ZDHHC17: variants seen among roughly 807,000 people sequenced by gnomAD.
ZDHHC17 encodes the protein zDHHC palmitoyltransferase 17.
ZDHHC17 carries 40 observed loss-of-function variants against 90.3 expected under a neutral mutation model. That is an observed-to-expected ratio of 0.44 (90% CI 0.34 to 0.58). ZDHHC17 has a LOEUF of 0.58. ZDHHC17 is among the 20% of genes least tolerant of loss of function. The probability of loss-of-function intolerance (pLI) is 0.01; values close to 1 mark genes in which losing one functional copy is unlikely to be tolerated. For synonymous variants in ZDHHC17, 235 were observed against 252.4 expected (o/e 0.93, Z 0.65); for missense variants, 614 against 780.8 (o/e 0.79, Z 2.55).
rs1247472064 is a variant in ZDHHC17, at chr12:76,851,272, T to C, written c.*287T>C. The C allele has an allele frequency of 2.8e-6, 1 of 351,986 alleles. No homozygotes were observed. The highest frequency in any genetic ancestry group is 4.9e-5 in the Admixed American group (1 of 20,412). 21.8% of individuals were successfully genotyped at this position (351,986 alleles called of 1,614,324 possible). ...TTTTGGGTTTTGTTCTCACAGTATTTTTCACAAAAAAAGGGTAAACTTATT... is the reference window on the plus strand; with the variant it reads ...TTTTGGGTTTTGTTCTCACAGTATTCTTCACAAAAAAAGGGTAAACTTATT... On this transcript the variant is annotated 3_prime_UTR_variant, in exon 17 of 17. Coordinates refer to ENST00000426126, the MANE Select transcript of ZDHHC17 (RefSeq NM_015336.4).
chr12:76,839,177 C>T (rs1485732601), intron 10 of ZDHHC17, among the ~76,000 whole-genome samples: 1 of 152,216 alleles, frequency 6.6e-6, no homozygotes, highest in African/African-American at 2.4e-5. Context: ...CAGATGCAGT[C>T]AGATTGTAGG....
In ZDHHC17 at chr12:76,842,095, C is replaced by G. The variant is rs1953442101; in HGVS notation, c.1255C>G (p.Gln419Glu). The change falls in exon 11 of 17, where the codon CAA becomes GAA. Residue 419 changes from glutamine (Q) to glutamate (E), a missense_variant. Gln to Glu is a conservative substitution (Grantham distance 29). This residue lies in a region of ZDHHC17 where 117 missense variants were observed against 183.6 expected (regional missense o/e 0.64). Transcript: ENST00000426126. ...AGGGATTATTAAAGCAACAGAAGAGCAAAAGAAAAAGGTAGCAAAATACCA... is the reference window on the plus strand; with the variant it reads ...AGGGATTATTAAAGCAACAGAAGAGGAAAAGAAAAAGGTAGCAAAATACCA... ...DPGIIKATEE[Q>E]KKKTIVELAE... 1 of 1,571,120 alleles carries G rather than the reference C, an allele frequency of 6.4e-7. No individual in the cohort carries two copies. Among genetic ancestry groups the G allele is most frequent in the African/African-American group, 1.4e-5 (1 of 72,088 alleles).
intron 10 of ZDHHC17, 85 bp downstream of exon 10, chr12:76,828,575 AT>A: frequency 8.8e-7 from 1 of 1,140,868 alleles, no homozygotes; most frequent in Non-Finnish European, 1.3e-6. Context: ...ATTAGGACTG[AT>A]CTACTCATTC....
chr12:76,784,129 C>CCA (rs1209214989), intron 1 of ZDHHC17, among the ~76,000 whole-genome samples: 6 of 152,188 alleles, frequency 3.9e-5, no homozygotes, highest in Non-Finnish European at 8.8e-5. Context: ...AGCACATATA[C>CCA]CACCACACAA....
Position 76,809,871 on chromosome 12 carries a change from CAG to C in ZDHHC17, c.543+15_543+16del, listed in dbSNP as rs1184845914. 6 of 1,605,376 alleles carry C rather than the reference CAG, an allele frequency of 3.7e-6. No homozygotes were observed. The highest frequency in any genetic ancestry group is 5.1e-6 in the Non-Finnish European group (6 of 1,175,378). Reference sequence around the variant, plus strand: ...GCAAAAGGACAGGTAAAAAAAATCTCAGTGGTATGGATTTTAATCAGATGTTC... The same window carrying C: ...GCAAAAGGACAGGTAAAAAAAATCTCTGGTATGGATTTTAATCAGATGTTC... On this transcript the variant is annotated intron_variant, in intron 5 of 16. Transcript: ENST00000426126.
chr12:76,783,908 T>G lies in ZDHHC17; in HGVS notation c.94-13526T>G, dbSNP rs189748965. On this transcript the variant is annotated intron_variant, in intron 1 of 16. Coordinates refer to ENST00000426126, the MANE Select transcript of ZDHHC17 (RefSeq NM_015336.4). The stretch of plus-strand genomic sequence containing the variant: ...GAGAGAGATTTGAAAATGTTTGCCT[T>G]GATTATGCCAGAGGGCTAGAAGAGG... Among the ~76,000 whole-genome samples, 99 of 151,936 alleles carry G rather than the reference T, an allele frequency of 6.5e-4. 1 individual carries two copies. The highest frequency in any genetic ancestry group is 2.1e-3 in the African/African-American group (86 of 41,530).
intron 1 of ZDHHC17, chr12:76,764,601 C>T: frequency 9.1e-6 from 5 of 548,244 alleles, no homozygotes; most frequent in Non-Finnish European, 1.7e-5. Context: ...GCTGTGTCGC[C>T]GCGCTGCGTT....
Position 76,793,910 on chromosome 12 carries a change from G to A in ZDHHC17, c.94-3524G>A, listed in dbSNP as rs186647798. ...GATTTTATTTTATTTTTTTGAGACA[G>A]AGTCTCACTCTGTTGCCCAGGCTGG... is the stretch of plus-strand genomic sequence containing the variant. On this transcript the variant is annotated intron_variant, in intron 1 of 16. Coordinates refer to ENST00000426126, the MANE Select transcript of ZDHHC17 (RefSeq NM_015336.4). Among the ~76,000 whole-genome samples the A allele has an allele frequency of 5.8e-3, 880 of 152,134 alleles. 10 individuals carry two copies. The highest frequency in any genetic ancestry group is 0.021 in the African/African-American group (856 of 41,514).
chr12:76,851,114 T>C lies in ZDHHC17; in HGVS notation c.*129T>C. ...TATGTGTAGGGCTAATGGTGAATTTTACAGTCTTTTTTTCAACACTTTTAT... is the reference window on the plus strand; with the variant it reads ...TATGTGTAGGGCTAATGGTGAATTTCACAGTCTTTTTTTCAACACTTTTAT... On this transcript the variant is annotated 3_prime_UTR_variant, in exon 17 of 17. Coordinates refer to ENST00000426126, the MANE Select transcript of ZDHHC17 (RefSeq NM_015336.4). 8.8e-7 allele frequency: 1 copy of C among 1,142,066 alleles called. No individual in the cohort carries two copies. The highest frequency in any genetic ancestry group is 1.2e-6 in the Non-Finnish European group (1 of 829,122). 70.7% of individuals were successfully genotyped at this position (1,142,066 alleles called of 1,614,324 possible).
intron 13 of ZDHHC17, chr12:76,846,350 G>T: frequency 2.3e-6 from 1 of 443,800 alleles, no homozygotes; most frequent in South Asian, 4.3e-5. Flanking sequence ...GGTCAGAATT[G>T]TGATTTATTT....
chr12:76,765,659 C>T (rs1300667236), intron 1 of ZDHHC17, among the ~76,000 whole-genome samples: 2 of 152,198 alleles, frequency 1.3e-5, no homozygotes, highest in Non-Finnish European at 2.9e-5. Context: ...TCATCTGTTC[C>T]TGTGAAAGTA....
intron 10 of ZDHHC17, among the ~76,000 whole-genome samples, chr12:76,837,807 CTTT>C (rs1413759271): frequency 5.9e-5 from 9 of 152,100 alleles, no homozygotes; most frequent in African/African-American, 1.9e-4. Flanking sequence ...TGTCTCTACT[CTTT>C]ATTATTATCA....
At chr12:76,798,525 A>G (rs1169063771) in intron 2 of ZDHHC17, among the ~76,000 whole-genome samples, 1 of 151,954 alleles carries the variant, frequency 6.6e-6, no homozygotes, top group Non-Finnish European at 1.5e-5. Flanking sequence ...AGCTTGGGCA[A>G]TAGAATGAGA....
intron 1 of ZDHHC17, among the ~76,000 whole-genome samples, chr12:76,781,133 C>CAA (rs33935444): frequency 0.44 from 40,476 of 92,004 alleles, 8,747 homozygotes; most frequent in East Asian, 0.64. Context: ...GACTCCGTCT[C>CAA]AAAAAAAAAA....
At chr12:76,806,484 GAAATATAGGCCTGCGCCTATAT>G (rs1047753309) in intron 3 of ZDHHC17, among the ~76,000 whole-genome samples, 11 of 152,246 alleles carry the variant, frequency 7.2e-5, no homozygotes, top group Non-Finnish European at 1.5e-4. Context: ...AAATGAAAAT[GAAATATAGGCCTGCGCCTATAT>G]AAATATAGGC....
At position 76,801,597 on chromosome 12, in the gene ZDHHC17, T is replaced by C. The variant is rs187461535; in HGVS notation, c.198-3720T>C. On this transcript the variant is annotated intron_variant, in intron 2 of 16. Transcript: ENST00000426126. ...TGAACCTGGGAGGCGGAGCTTGCAG[T>C]GAGCCGAGATCGCGCCACTGTGCTC... 3.1e-3 allele frequency among the ~76,000 whole-genome samples: 466 copies of C among 152,012 alleles called. 1 individual carries two copies. The highest frequency in any genetic ancestry group is 5.5e-3 in the Non-Finnish European group (374 of 67,972).
intron 10 of ZDHHC17, among the ~76,000 whole-genome samples, chr12:76,829,515 T>C (rs1953274100): frequency 1.3e-5 from 2 of 150,944 alleles, no homozygotes; most frequent in Non-Finnish European, 3.0e-5. Flanking sequence ...CATCTCCATT[T>C]TATACTTGAG....
At chr12:76,764,720 T>C (rs760610170) in intron 1 of ZDHHC17, 2 of 476,346 alleles carry the variant, frequency 4.2e-6, no homozygotes, top group Non-Finnish European at 8.3e-6. Context: ...TTTTGATTTC[T>C]TTTTCCTTCG....
At chr12:76,842,740 G>A (rs1367935778) in intron 11 of ZDHHC17, among the ~76,000 whole-genome samples, 179 bp from the exon 12 acceptor site, 1 of 152,054 alleles carries the variant, frequency 6.6e-6, no homozygotes, top group African/African-American at 2.4e-5. Context: ...CATAGAGATT[G>A]CTACCCTGTA....
Sources: gnomAD v4.1 joint callset for allele counts (sites outside exome capture counted in the v4.1 genomes callset) on GRCh38, gnomAD v4.1.1 for gene constraint, gnomAD v4.1.1 regional missense constraint, MANE v1.5 for transcripts, NCBI Gene and HGNC (gene_info 2026-07-23, HGNC 2026-07-21) for gene names.